The following NKAIN3 variants were observed in gnomAD, a reference collection of about 807,000 sequenced individuals.
NKAIN3 encodes the protein sodium/potassium-transporting ATPase subunit beta-1-interacting protein 3.
Under a neutral mutation model 30.2 loss-of-function variants are expected in NKAIN3, and 25 were observed. That is an observed-to-expected ratio of 0.83 (90% confidence interval 0.60 to 1.16). The LOEUF is 1.16. NKAIN3 is among the 50% of genes most tolerant of loss of function. The pLI is 0.00. For missense variants in NKAIN3, 225 were observed against 254.1 expected, an observed-to-expected ratio of 0.89 and a Z score of 0.78; for synonymous variants, 91 against 89.6, an observed-to-expected ratio of 1.02 and a Z score of -0.09.
intron 1 of NKAIN3, among the ~76,000 whole-genome samples, chr8:62,252,736 G>A (rs1188806009): frequency 1.3e-5 from 2 of 152,106 alleles, no homozygotes; most frequent in Admixed American, 6.6e-5. Context: ...TCATCCAAGA[G>A]CCTTTAGTAC....
rs60036306 is a variant in NKAIN3 at position 62,331,062 on chromosome 8, CCTCTCTCT to C, written c.54+81944_54+81951del. Among the ~76,000 whole-genome samples, 1,172 of 144,498 alleles carry C rather than the reference CCTCTCTCT, an allele frequency of 8.1e-3. 22 individuals carry two copies. The highest frequency in any genetic ancestry group is 0.029 in the African/African-American group (1,117 of 38,978). The allele number at this position is 144,498 out of a possible 152,430, so 94.8% of individuals were successfully genotyped here. On this transcript the variant is annotated intron_variant, in intron 1 of 6. Transcript: ENST00000623646. ...CCTCCCTCCTCTTCTACCTCCTCCT[CCTCTCTCT>C]CTCTCTCTGTCTCTCTCTCTCTCCA...
rs552295151 is a variant in NKAIN3, at chr8:62,688,621, T to G, written c.274-58311T>G. Among the ~76,000 whole-genome samples the G allele has an allele frequency of 7.9e-5, 12 of 152,298 alleles. No homozygotes were observed. The South Asian group carries it at 1.9e-3, about 24-fold the overall frequency. On this transcript the variant is annotated intron_variant, in intron 3 of 6. Transcript: ENST00000623646. ...GTATCCAGTATAAACATTGAATTACTAATGTGAGAAGTTCTGTCAAGTAAA... is the reference window on the plus strand; with the variant it reads ...GTATCCAGTATAAACATTGAATTACGAATGTGAGAAGTTCTGTCAAGTAAA...
At chr8:62,922,987 T>C (rs1822328207) in intron 5 of NKAIN3, among the ~76,000 whole-genome samples, 2 of 152,148 alleles carry the variant, frequency 1.3e-5, no homozygotes, top group African/African-American at 4.8e-5. Flanking sequence ...ATGCCTTGTA[T>C]GTAGAATTCA....
At chr8:62,836,781 TG>T (rs1819379299) in intron 4 of NKAIN3, among the ~76,000 whole-genome samples, 1 of 152,140 alleles carries the variant, frequency 6.6e-6, no homozygotes, top group Non-Finnish European at 1.5e-5. Flanking sequence ...GAGATGACTT[TG>T]GCAAGAACAA....
chr8:62,557,967 C>T (rs1023141006), intron 1 of NKAIN3, among the ~76,000 whole-genome samples: 5 of 152,020 alleles, frequency 3.3e-5, no homozygotes, highest in African/African-American at 9.7e-5. Flanking sequence ...AGTTCTTGGT[C>T]GTGAAATCCT....
chr8:62,937,906 T>G (rs1038797452), intron 5 of NKAIN3, among the ~76,000 whole-genome samples: 1 of 152,018 alleles, frequency 6.6e-6, no homozygotes, highest in Non-Finnish European at 1.5e-5. Context: ...GCATGAGAAC[T>G]GACTGAAGCC....
chr8:62,852,400 A>C (rs879263173), intron 4 of NKAIN3, among the ~76,000 whole-genome samples: 51 of 152,004 alleles, frequency 3.4e-4, no homozygotes, highest in Non-Finnish European at 6.8e-4. Flanking sequence ...CTTTTCAAAA[A>C]CCAGCTCCTG....
intron 1 of NKAIN3, among the ~76,000 whole-genome samples, chr8:62,320,654 A>G (rs1200702416): frequency 6.6e-6 from 1 of 152,220 alleles, no homozygotes; most frequent in Admixed American, 6.5e-5. Context: ...AATGTTAAAT[A>G]TTGGCCCCCA....
chr8:62,298,844 A>G lies in NKAIN3; in HGVS notation c.54+49717A>G, dbSNP rs1411699585. Among the ~76,000 whole-genome samples, 8 of 149,428 alleles carry G rather than the reference A, an allele frequency of 5.4e-5. No homozygotes were observed. The East Asian group carries it at 1.6e-3, about 29-fold the overall frequency. On this transcript the variant is annotated intron_variant, in intron 1 of 6. Transcript: ENST00000623646. ...GTATACCATAATACATATATTAATA[A>G]TTATATTAAGTATGAATCAATAATA...
intron 4 of NKAIN3, among the ~76,000 whole-genome samples, chr8:62,883,460 T>TTTTTTTTTTTG (rs1821055228): frequency 1.7e-4 from 2 of 11,778 alleles, no homozygotes; most frequent in African/African-American, 3.5e-3. Context: ...TTTATGGGTT[T>TTTTTTTTTTTG]TTTTTTTTTT....
intron 5 of NKAIN3, among the ~76,000 whole-genome samples, chr8:62,943,769 A>G (rs1210101646): frequency 6.8e-6 from 1 of 147,786 alleles, no homozygotes; most frequent in Non-Finnish European, 1.5e-5. Context: ...ATATTATATT[A>G]TATATGGTAT....
In NKAIN3 at chr8:62,345,574, CAT is replaced by C. The variant is rs1311283002; in HGVS notation, c.54+96452_54+96453del. On this transcript the variant is annotated intron_variant, in intron 1 of 6. Transcript: ENST00000623646. ...ATATGTATATATACACATATATACA[CAT>C]ATATGTATATACACACATATATACA... Among the ~76,000 whole-genome samples the C allele has an allele frequency of 9.0e-5, 13 of 144,720 alleles. 1 individual carries two copies. Among genetic ancestry groups the C allele is most frequent in the East Asian group, 4.6e-4 (2 of 4,378 alleles). The allele number at this position is 144,720 out of a possible 152,430, so 94.9% of individuals were successfully genotyped here.
intron 1 of NKAIN3, among the ~76,000 whole-genome samples, chr8:62,566,624 C>T (rs1202778404): frequency 6.6e-6 from 1 of 151,998 alleles, no homozygotes. Context: ...TCTTTCTCTC[C>T]ATCTAGTCAT....
chr8:62,716,974 A>G (rs1229900661), intron 3 of NKAIN3, among the ~76,000 whole-genome samples: 4 of 152,124 alleles, frequency 2.6e-5, no homozygotes, highest in Non-Finnish European at 1.5e-5. Context: ...AAACATTAAC[A>G]TTTGTTACTG....
rs147112791 is a variant in NKAIN3, at chr8:62,268,854, T to C, written c.54+19727T>C. ...GGTTGGGTAGCTTGTATATGCATAATACTACAAATCTGGGAATGCCTGACC... is the reference window on the plus strand; with the variant it reads ...GGTTGGGTAGCTTGTATATGCATAACACTACAAATCTGGGAATGCCTGACC... On this transcript the variant is annotated intron_variant, in intron 1 of 6. Coordinates refer to ENST00000623646, the MANE Select transcript of NKAIN3 (RefSeq NM_001304533.3). 1.8e-4 allele frequency among the ~76,000 whole-genome samples: 27 copies of C among 152,260 alleles called. No individual in the cohort carries two copies. The East Asian group carries it at 5.0e-3, about 28-fold the overall frequency.
intron 1 of NKAIN3, among the ~76,000 whole-genome samples, chr8:62,408,566 G>A (rs2129595709): frequency 6.6e-6 from 1 of 152,292 alleles, no homozygotes; most frequent in Admixed American, 6.5e-5. Flanking sequence ...AAACTGTGTT[G>A]TAAACATTAT....
chr8:62,912,212 A>G (rs1413155059), intron 4 of NKAIN3, among the ~76,000 whole-genome samples: 1 of 152,194 alleles, frequency 6.6e-6, no homozygotes, highest in Non-Finnish European at 1.5e-5. Context: ...AAAATATGGT[A>G]TAACACATAA....
At chr8:62,342,497 G>A (rs1372241871) in intron 1 of NKAIN3, among the ~76,000 whole-genome samples, 2 of 151,972 alleles carry the variant, frequency 1.3e-5, no homozygotes, top group Non-Finnish European at 2.9e-5. Context: ...TAACAAAAGT[G>A]TCTAGTCTCT....
chr8:62,474,515 CA>C lies in NKAIN3; in HGVS notation c.55-105023del, dbSNP rs1187469133. Among the ~76,000 whole-genome samples the C allele has an allele frequency of 2.6e-5, 4 of 152,198 alleles. No individual in the cohort carries two copies. In the East Asian group the frequency reaches 7.7e-4, roughly 29 times the overall value. ...TGGATTGGCAAACGTACAAAGACCA[CA>C]TGGTCTTATAGCCAGAAAAAAAGAC... On this transcript the variant is annotated intron_variant, in intron 1 of 6. Coordinates refer to ENST00000623646, the MANE Select transcript of NKAIN3 (RefSeq NM_001304533.3).
Sources: allele counts gnomAD v4.1 joint callset (sites outside exome capture counted in the v4.1 genomes callset), GRCh38; gene constraint gnomAD v4.1.1; transcripts MANE v1.5; gene names NCBI Gene and HGNC (gene_info 2026-07-23, HGNC 2026-07-21).